The following ENSA variants were observed in gnomAD, a reference collection of about 807,000 sequenced individuals.
ENSA encodes the protein alpha-endosulfine.
A neutral mutation model predicts 16.8 loss-of-function variants in ENSA; 7 were observed. The ratio of observed to expected loss-of-function variants is 0.42; its 90% CI spans 0.24 to 0.78. The LOEUF (loss-of-function observed/expected upper bound fraction) is 0.78. ENSA is among the 30% of genes least tolerant of loss of function. The pLI is 0.29. For synonymous variants in ENSA, 58 were observed against 53.4 expected, an observed-to-expected ratio of 1.09 and a Z score of -0.37; for missense variants, 87 against 142.3, an observed-to-expected ratio of 0.61 and a Z score of 1.98.
Position 150,629,396 on chromosome 1 carries a change from G to A in ENSA, c.57+18C>T, listed in dbSNP as rs1649584489. 3 of 1,610,392 alleles carry A rather than the reference G, an allele frequency of 1.9e-6. No homozygotes were observed. The highest frequency in any genetic ancestry group is 2.5e-6 in the Non-Finnish European group (3 of 1,177,958). On this transcript the variant is annotated intron_variant, in intron 1 of 3. Transcript: ENST00000369014. ...CACGGTCTCCCCAGCTCGCCCGCCC[G>A]CACCCCTTCCACTTCACCTGCTTCT... is the stretch of plus-strand genomic sequence containing the variant.
Position 150,622,391 on chromosome 1 carries a change from A to C in ENSA, c.*453T>G, listed in dbSNP as rs587620299. ...TATCTGACACCAGGTCTCCAACCACACTGAAACAAGGCATTTATCTACAGA... is the reference window on the plus strand; with the variant it reads ...TATCTGACACCAGGTCTCCAACCACCCTGAAACAAGGCATTTATCTACAGA... On this transcript the variant is annotated 3_prime_UTR_variant, in exon 4 of 4. Transcript: ENST00000369014. 6 of 165,016 alleles carry C rather than the reference A, an allele frequency of 3.6e-5. No individual in the cohort carries two copies. In the East Asian group the frequency reaches 1.0e-3, roughly 28 times the overall value. 10.2% of individuals were successfully genotyped at this position (165,016 alleles called of 1,614,324 possible).
downstream of ENSA, chr1:150,621,635 C>T (rs1457476960): frequency 1.3e-5 from 2 of 152,198 alleles, no homozygotes; most frequent in African/African-American, 4.8e-5. Context: ...CAGCTTTTAA[C>T]TTCTTTCAGT....
At chr1:150,628,864 C>G in intron 1 of ENSA, 1 of 603,232 alleles carries the variant, frequency 1.7e-6, no homozygotes, top group Non-Finnish European at 3.0e-6. Flanking sequence ...TTGCTGGGTC[C>G]TCACTGAAGG....
chr1:150,622,930 TC>T lies in ENSA; in HGVS notation c.351-72del, dbSNP rs1649061869. On this transcript the variant is annotated intron_variant, in intron 3 of 3. Transcript: ENST00000369014. ...GTAATAGGGGAAAAAAACCCTGAAC[TC>T]CAACCCAGTCTCTACCCCATGATTC... 4 of 1,505,754 alleles carry T rather than the reference TC, an allele frequency of 2.7e-6. No individual in the cohort carries two copies. In the South Asian group the frequency reaches 4.9e-5, roughly 19 times the overall value. 93.3% of individuals were successfully genotyped at this position (1,505,754 alleles called of 1,614,324 possible).
At chr1:150,622,892 A>AT in intron 3 of ENSA, 33 bp from the exon 4 acceptor site, 4 of 1,543,084 alleles carry the variant, frequency 2.6e-6, no homozygotes, top group Non-Finnish European at 3.5e-6. Flanking sequence ...AAAAAAAAAA[A>AT]CAACACTGTC....
At chr1:150,624,316 T>C (rs1649156782) in intron 3 of ENSA, 2 of 985,972 alleles carry the variant, frequency 2.0e-6, no homozygotes, top group Middle Eastern at 5.2e-4. Context: ...AATCATCTTC[T>C]AAGAACCTGT....
Position 150,627,587 on chromosome 1 carries a change from C to T in ENSA, c.63G>A (p.Thr21=), listed in dbSNP as rs777299672. ...CAGGCAGAATACCTTCTTTCTCCTG[C>T]GTGTCCTGGAGAAAACAAATGAGCC... The part of the protein sequence containing the change: ...AEETGEEKQD[T]QEKEGILPER... Residue 21 remains threonine, a synonymous_variant, in exon 2 of 4, where the codon ACG becomes ACA. Transcript: ENST00000369014. 22 of 1,607,806 alleles carry T rather than the reference C, an allele frequency of 1.4e-5. No individual in the cohort carries two copies. The highest frequency in any genetic ancestry group is 1.7e-5 in the Admixed American group (1 of 58,154).
chr1:150,625,568 C>T, intron 3 of ENSA, 74 bp downstream of exon 3: 1 of 1,477,292 alleles, frequency 6.8e-7, no homozygotes, highest in Admixed American at 2.4e-5. Context: ...TGACTAGGTG[C>T]CCATTTCATC....
At chr1:150,626,874 TC>T (rs1463266483) in intron 2 of ENSA, among the ~76,000 whole-genome samples, 1 of 152,028 alleles carries the variant, frequency 6.6e-6, no homozygotes, top group Non-Finnish European at 1.5e-5. Flanking sequence ...GATAATATAA[TC>T]CCTCAGTCAG....
chr1:150,625,508 C>G (rs1489496095), intron 3 of ENSA, 134 bp downstream of exon 3: 5 of 1,396,646 alleles, frequency 3.6e-6, no homozygotes, highest in Non-Finnish European at 4.7e-6. Context: ...ACCTTCTCAG[C>G]AGCCCCCAGC....
At chr1:150,628,711 T>C (rs1435809740) in intron 1 of ENSA, among the ~76,000 whole-genome samples, 1 of 152,198 alleles carries the variant, frequency 6.6e-6, no homozygotes, top group African/African-American at 2.4e-5. Flanking sequence ...GGCGTTAGTG[T>C]TTCCATCACG....
At chr1:150,624,529 A>C in intron 3 of ENSA, 1 of 985,914 alleles carries the variant, frequency 1.0e-6, no homozygotes, top group South Asian at 4.7e-5. Context: ...AGGCTGGGAA[A>C]GTGGGCTGGG....
intron 3 of ENSA, chr1:150,623,946 C>G (rs117968841): frequency 5.2e-5 from 51 of 985,274 alleles, no homozygotes; most frequent in Admixed American, 3.7e-4. Context: ...CTCATCCCCC[C>G]ACATGCACAT....
chr1:150,629,060 C>A (rs1335507907), intron 1 of ENSA: 2 of 1,614,144 alleles, frequency 1.2e-6, no homozygotes, highest in Admixed American at 3.3e-5. Context: ...GGGTCACTTA[C>A]CTCTACAAAC....
intron 1 of ENSA, among the ~76,000 whole-genome samples, chr1:150,628,085 T>G (rs1438756260): frequency 6.6e-6 from 1 of 152,154 alleles, no homozygotes; most frequent in Non-Finnish European, 1.5e-5. Flanking sequence ...TCACTTGAGC[T>G]CATGAATTCA....
chr1:150,624,906 G>T, intron 3 of ENSA: 1 of 969,096 alleles, frequency 1.0e-6, no homozygotes, highest in Non-Finnish European at 1.2e-6. Context: ...GCTCTGCTGG[G>T]ACTGAGTAGA....
At chr1:150,628,263 GGCTA>G (rs1405283758) in intron 1 of ENSA, among the ~76,000 whole-genome samples, 15 of 152,128 alleles carry the variant, frequency 9.9e-5, no homozygotes, top group African/African-American at 3.6e-4. Flanking sequence ...CTGTGGAGGC[GGCTA>G]GCTATGTGGC....
At chr1:150,629,150 T>G in intron 1 of ENSA, 1 of 1,614,050 alleles carries the variant, frequency 6.2e-7, no homozygotes, top group African/African-American at 1.3e-5. Context: ...CCCACGTCCA[T>G]GCTCGGCCAA....
At chr1:150,629,090 C>G in intron 1 of ENSA, 1 of 1,614,176 alleles carries the variant, frequency 6.2e-7, no homozygotes, top group Non-Finnish European at 8.5e-7. Flanking sequence ...ACATCACACC[C>G]AAGACCACCA....
Sources: allele counts gnomAD v4.1 joint callset (sites outside exome capture counted in the v4.1 genomes callset), GRCh38; gene constraint gnomAD v4.1.1; transcripts MANE v1.5; gene names NCBI Gene and HGNC (gene_info 2026-07-23, HGNC 2026-07-21).